Variants in CNTNAP5 observed in about 807,000 individuals in gnomAD.
CNTNAP5 encodes the protein contactin associated protein family member 5, also known as contactin-associated protein-like 5.
A neutral mutation model predicts 150.2 loss-of-function variants in CNTNAP5; 72 were observed. The ratio of observed to expected loss-of-function variants is 0.48; its 90% CI spans 0.40 to 0.58. The LOEUF (loss-of-function observed/expected upper bound fraction) is 0.58. Among genes scored for constraint, CNTNAP5 ranks in the 20% least tolerant of loss-of-function variants. The probability of loss-of-function intolerance (pLI) is 0.00; values close to 1 mark genes in which losing one functional copy is unlikely to be tolerated. For synonymous variants in CNTNAP5, 672 were observed against 619.8 expected (o/e 1.08, Z -1.25); for missense variants, 1,636 against 1,626.2 (o/e 1.01, Z -0.10).
At chr2:124,355,672 C>A (rs1689980322) in intron 3 of CNTNAP5, among the ~76,000 whole-genome samples, 1 of 152,150 alleles carries the variant, frequency 6.6e-6, no homozygotes, top group African/African-American at 2.4e-5. Flanking sequence ...CAGGAGTGAG[C>A]TCAAAGTCCC....
intron 21 of CNTNAP5, among the ~76,000 whole-genome samples, chr2:124,871,277 C>CTTATTTATTTATTTATTTATTTATTTAT (rs1401599879): frequency 1.6e-3 from 214 of 135,508 alleles, no homozygotes; most frequent in African/African-American, 7.9e-3. Flanking sequence ...TACATATTTA[C>CTTATTTATTTATTTATTTATTTATTTAT]TTACTTATTT....
At chr2:124,370,211 T>G (rs1391511766) in intron 3 of CNTNAP5, among the ~76,000 whole-genome samples, 1 of 152,164 alleles carries the variant, frequency 6.6e-6, no homozygotes, top group Non-Finnish European at 1.5e-5. Flanking sequence ...TAAAGCTACG[T>G]ACGTGAACAC....
At chr2:124,641,357 A>T (rs1215838092) in intron 12 of CNTNAP5, among the ~76,000 whole-genome samples, 6 of 152,060 alleles carry the variant, frequency 3.9e-5, no homozygotes, top group Non-Finnish European at 8.8e-5. Flanking sequence ...AGCCCTAATG[A>T]TGACAAAGCT....
At chr2:124,906,474 G>A (rs1460068863) in intron 22 of CNTNAP5, among the ~76,000 whole-genome samples, 1 of 152,112 alleles carries the variant, frequency 6.6e-6, no homozygotes, top group Non-Finnish European at 1.5e-5. Context: ...CTGGACCACA[G>A]TAATTTTCTA....
chr2:124,813,029 A>G (rs981211422), intron 19 of CNTNAP5, among the ~76,000 whole-genome samples: 1 of 152,002 alleles, frequency 6.6e-6, no homozygotes, highest in Non-Finnish European at 1.5e-5. Context: ...CCTACCCTTT[A>G]AATGTTGACT....
Position 124,620,761 on chromosome 2 carries a change from AC to A in CNTNAP5, c.1876+10842del, listed in dbSNP as rs1677596428. Reference sequence around the variant, plus strand: ...CACACACATGCACACACACACACACACACACACACACACATATATATGCAAA... The same window carrying A: ...CACACACATGCACACACACACACACAACACACACACACATATATATGCAAA... On this transcript the variant is annotated intron_variant, in intron 12 of 23. Coordinates refer to ENST00000682447, the MANE Select transcript of CNTNAP5 (RefSeq NM_001367498.1). Among the ~76,000 whole-genome samples the A allele has an allele frequency of 2.0e-5, 3 of 151,882 alleles. No homozygotes were observed. The South Asian group carries it at 6.2e-4, about 31-fold the overall frequency.
chr2:124,127,710 A>G (rs1427957644), intron 1 of CNTNAP5, among the ~76,000 whole-genome samples: 1 of 152,176 alleles, frequency 6.6e-6, no homozygotes, highest in Admixed American at 6.5e-5. Context: ...ACCAAAACAG[A>G]GATATAGACC....
At chr2:124,323,179 C>T (rs763705406) in intron 3 of CNTNAP5, among the ~76,000 whole-genome samples, 9 of 152,110 alleles carry the variant, frequency 5.9e-5, no homozygotes, top group African/African-American at 1.7e-4. Flanking sequence ...TGTGCCCAAG[C>T]GGGTCAGGAA....
At chr2:124,388,045 G>T (rs927768775) in intron 3 of CNTNAP5, among the ~76,000 whole-genome samples, 2 of 152,170 alleles carry the variant, frequency 1.3e-5, no homozygotes, top group East Asian at 3.8e-4. Context: ...GCTTCAGAGT[G>T]GCCTTAGGAA....
Position 124,290,336 on chromosome 2 carries a change from C to T in CNTNAP5, c.381+47943C>T, listed in dbSNP as rs529820284. 5.3e-5 allele frequency among the ~76,000 whole-genome samples: 8 copies of T among 152,228 alleles called. No individual in the cohort carries two copies. In the East Asian group the frequency reaches 1.5e-3, roughly 29 times the overall value. ...ATAAGTTATTACTACAATTATTTTCCACCTTCATCTGCCAAAGAAAGTGAA... is the reference window on the plus strand; with the variant it reads ...ATAAGTTATTACTACAATTATTTTCTACCTTCATCTGCCAAAGAAAGTGAA... On this transcript the variant is annotated intron_variant, in intron 3 of 23. Coordinates refer to ENST00000682447, the MANE Select transcript of CNTNAP5 (RefSeq NM_001367498.1).
intron 8 of CNTNAP5, among the ~76,000 whole-genome samples, chr2:124,505,083 A>T (rs17011583): frequency 0.024 from 3,623 of 152,208 alleles, 87 homozygotes; most frequent in African/African-American, 0.056. Flanking sequence ...TTAAGTGCTT[A>T]AATTTCTTAG....
chr2:124,456,857 G>A (rs185767667), intron 6 of CNTNAP5, among the ~76,000 whole-genome samples: 1 of 152,278 alleles, frequency 6.6e-6, no homozygotes, highest in Admixed American at 6.5e-5. Context: ...TATTTGGCAA[G>A]CTGCCTGTAG....
At chr2:124,458,020 C>G (rs748942372) in intron 6 of CNTNAP5, among the ~76,000 whole-genome samples, 1 of 114,414 alleles carries the variant, frequency 8.7e-6, no homozygotes. Flanking sequence ...CCTTAAAGAA[C>G]TAAAAGTAGA....
intron 1 of CNTNAP5, among the ~76,000 whole-genome samples, chr2:124,087,536 A>G (rs1682719385): frequency 6.6e-6 from 1 of 151,798 alleles, no homozygotes; most frequent in Non-Finnish European, 1.5e-5. Context: ...ATCCTAGGCA[A>G]TATGGTGAAA....
At chr2:124,403,880 T>A (rs2104761305) in intron 3 of CNTNAP5, among the ~76,000 whole-genome samples, 1 of 152,270 alleles carries the variant, frequency 6.6e-6, no homozygotes, top group South Asian at 2.1e-4. Context: ...TGGCAGCAGG[T>A]AAGAAAGCAT....
intron 17 of CNTNAP5, among the ~76,000 whole-genome samples, chr2:124,780,857 G>A (rs1681434999): frequency 6.6e-6 from 1 of 152,220 alleles, no homozygotes; most frequent in South Asian, 2.1e-4. Context: ...CCTTCTCTTG[G>A]TCTGGACTGA....
intron 10 of CNTNAP5, among the ~76,000 whole-genome samples, chr2:124,549,287 T>C (rs550128872): frequency 1.1e-3 from 174 of 152,270 alleles, no homozygotes; most frequent in Admixed American, 1.4e-3. Context: ...AAATGAAACC[T>C]AGAGGAGCCG....
chr2:124,157,519 T>C (rs1361037145), intron 1 of CNTNAP5, among the ~76,000 whole-genome samples: 1 of 152,168 alleles, frequency 6.6e-6, no homozygotes, highest in African/African-American at 2.4e-5. Context: ...TTTACTGAAA[T>C]TTCCTCACTT....
chr2:124,801,542 T>C (rs981456423), intron 19 of CNTNAP5, among the ~76,000 whole-genome samples: 1 of 151,894 alleles, frequency 6.6e-6, no homozygotes, highest in African/African-American at 2.4e-5. Context: ...ATCACAGGAG[T>C]AGATGAGAGG....
Sources: gnomAD v4.1 joint callset for allele counts (sites outside exome capture counted in the v4.1 genomes callset) on GRCh38, gnomAD v4.1.1 for gene constraint, MANE v1.5 for transcripts, NCBI Gene and HGNC (gene_info 2026-07-23, HGNC 2026-07-21) for gene names.